The following STK3 variants were observed in gnomAD, a reference collection of about 807,000 sequenced individuals.
The protein encoded by STK3 is serine/threonine kinase 3.
A neutral mutation model predicts 58.0 loss-of-function variants in STK3; 41 were observed. The observed-to-expected ratio is 0.71, with a 90% confidence interval of 0.55 to 0.92. The LOEUF (loss-of-function observed/expected upper bound fraction) is 0.92, where lower values mean the gene tolerates loss of function less well. Among genes scored for constraint, STK3 ranks in the 40% least tolerant of loss-of-function variants. The pLI, the probability that STK3 is intolerant of heterozygous loss-of-function variation, is 0.00. For missense variants in STK3, 479 were observed against 602.7 expected, an observed-to-expected ratio of 0.79 and a Z score of 2.15; for synonymous variants, 170 against 191.0, an observed-to-expected ratio of 0.89 and a Z score of 0.91.
chr8:98,739,833 G>GT (rs1829023313), intron 4 of STK3, among the ~76,000 whole-genome samples: 1 of 149,910 alleles, frequency 6.7e-6, no homozygotes, highest in Non-Finnish European at 1.5e-5. Flanking sequence ...AGGCAAAGAA[G>GT]TTGAAAACTT....
intron 1 of STK3, among the ~76,000 whole-genome samples, chr8:98,911,209 T>A (rs1372076651): frequency 6.6e-6 from 1 of 152,208 alleles, no homozygotes. Context: ...CAAATTATTG[T>A]CTTCCTCAAG....
intron 10 of STK3, among the ~76,000 whole-genome samples, chr8:98,481,228 A>T: frequency 6.6e-6 from 1 of 152,006 alleles, no homozygotes; most frequent in East Asian, 1.9e-4. Flanking sequence ...GTATATTTTC[A>T]AGGAAAAAAT....
At chr8:98,850,728 GA>G (rs1836431227) in intron 3 of STK3, among the ~76,000 whole-genome samples, 1 of 152,216 alleles carries the variant, frequency 6.6e-6, no homozygotes, top group African/African-American at 2.4e-5. Flanking sequence ...TGGGCAGCAA[GA>G]ATGAGGCTGG....
At chr8:98,386,759 C>A (rs1024869250) in intron 1 of STK3, among the ~76,000 whole-genome samples, 3 of 152,150 alleles carry the variant, frequency 2.0e-5, no homozygotes, top group African/African-American at 7.2e-5. Flanking sequence ...GTGGGTATAT[C>A]ACCTGAGGTC....
chr8:98,433,339 C>G (rs1477863127), intron 3 of STK3, among the ~76,000 whole-genome samples: 2 of 152,168 alleles, frequency 1.3e-5, no homozygotes, highest in Non-Finnish European at 2.9e-5. Flanking sequence ...AGTAGGCTCC[C>G]TAATAGTAAA....
chr8:98,558,531 A>G (rs1811772211), intron 8 of STK3, among the ~76,000 whole-genome samples: 1 of 152,154 alleles, frequency 6.6e-6, no homozygotes. Context: ...TTATAGAAGT[A>G]TACAAAAGTA....
intron 3 of STK3, among the ~76,000 whole-genome samples, chr8:98,849,611 A>T (rs911201972): frequency 3.3e-5 from 5 of 152,214 alleles, no homozygotes; most frequent in African/African-American, 1.2e-4. Context: ...ATAGAGACAG[A>T]TGCCAGCTTT....
chr8:98,428,829 A>G lies in STK3; in HGVS notation n.483+5298T>C, dbSNP rs143746607. 1.5e-3 allele frequency: 2,352 copies of G among 1,614,120 alleles called. 8 individuals are homozygous for G. Among genetic ancestry groups the G allele is most frequent in the Middle Eastern group, 3.0e-3 (18 of 6,062 alleles). On this transcript the variant is annotated intron_variant and non_coding_transcript_variant, in intron 3 of 3. Coordinates refer to the STK3 transcript ENST00000517832. The surrounding 1 kb of genome is among the most constrained non-coding windows in gnomAD (Gnocchi z 6.7). ...GGTGGTGAACCTGGTGGTGGAGAGC[A>G]CACCTACTTTAGCCAACTTGGGCAG...
chr8:98,493,809 C>T (rs1822900679), intron 10 of STK3, among the ~76,000 whole-genome samples: 1 of 152,118 alleles, frequency 6.6e-6, no homozygotes, highest in Non-Finnish European at 1.5e-5. Context: ...TCATATTCCA[C>T]CTTAAAAAGT....
At chr8:98,728,708 G>A (rs1268337008) in intron 4 of STK3, among the ~76,000 whole-genome samples, 1 of 152,044 alleles carries the variant, frequency 6.6e-6, no homozygotes, top group African/African-American at 2.4e-5. Context: ...ATTACACAAA[G>A]GAGGAACATG....
At chr8:98,716,395 CA>C (rs1163264289) in intron 4 of STK3, among the ~76,000 whole-genome samples, 3 of 151,036 alleles carry the variant, frequency 2.0e-5, no homozygotes, top group Admixed American at 6.6e-5. Flanking sequence ...AAGGAAACTA[CA>C]AAAAAAATTC....
rs369449832 is a variant in STK3, at chr8:98,720,372, C to T, written c.352-13061G>A. Among the ~76,000 whole-genome samples, 10 of 152,262 alleles carry T rather than the reference C, an allele frequency of 6.6e-5. No homozygotes were observed. In the East Asian group the frequency reaches 1.3e-3, roughly 21 times the overall value. Reference sequence around the variant, plus strand: ...TGTCATACAACTACTAAGTAGCAAACCTCACATTTCTTCAACAATCAATAT... The same window carrying T: ...TGTCATACAACTACTAAGTAGCAAATCTCACATTTCTTCAACAATCAATAT... On this transcript the variant is annotated intron_variant, in intron 4 of 10. Coordinates refer to ENST00000419617, the MANE Select transcript of STK3 (RefSeq NM_006281.4).
chr8:98,384,376 T>G (rs2131004898), intron 1 of STK3, among the ~76,000 whole-genome samples: 1 of 152,336 alleles, frequency 6.6e-6, no homozygotes, highest in Admixed American at 6.5e-5. Context: ...GCTTTCTTAC[T>G]CCATTCTTTT....
At chr8:98,508,894 A>G (rs1029693973) in intron 10 of STK3, among the ~76,000 whole-genome samples, 2 of 152,178 alleles carry the variant, frequency 1.3e-5, no homozygotes, top group Non-Finnish European at 2.9e-5. Context: ...TAATGACACA[A>G]AAGATTTAGG....
At chr8:98,906,873 T>C (rs1838923571) in intron 1 of STK3, among the ~76,000 whole-genome samples, 2 of 151,660 alleles carry the variant, frequency 1.3e-5, no homozygotes, top group Non-Finnish European at 2.9e-5. Flanking sequence ...ACAGGCTGGG[T>C]GTGGAGGCTC....
intron 1 of STK3, 27 bp from the exon 2 acceptor site, chr8:98,774,846 A>G: frequency 1.3e-6 from 2 of 1,500,398 alleles, no homozygotes; most frequent in Non-Finnish European, 1.8e-6. Context: ...AGAAGAAAGA[A>G]AATATTTTCT....
At chr8:98,344,892 C>CAAAAAAAAAA in the STK3 span, among the ~76,000 whole-genome samples, 2 of 47,402 alleles carry the variant, frequency 4.2e-5, no homozygotes, top group Admixed American at 2.8e-4. Context: ...GACTCCGTCT[C>CAAAAAAAAAA]AAAAAAAAAA....
At chr8:98,445,299 T>C (rs986072970) in intron 1 of STK3, among the ~76,000 whole-genome samples, 2 of 152,218 alleles carry the variant, frequency 1.3e-5, no homozygotes, top group African/African-American at 2.4e-5. Flanking sequence ...GTTTAGCTAA[T>C]AGACTGTCAC....
intron 1 of STK3, among the ~76,000 whole-genome samples, chr8:98,805,818 T>C (rs1489520927): frequency 1.3e-5 from 2 of 152,122 alleles, no homozygotes; most frequent in African/African-American, 2.4e-5. Flanking sequence ...ATCACCATTT[T>C]CTCTTACAAC....
Sources: gnomAD v4.1 joint callset for allele counts (sites outside exome capture counted in the v4.1 genomes callset) on GRCh38, gnomAD v4.1.1 for gene constraint, Gnocchi (gnomAD v3.1) non-coding constraint, MANE v1.5 for transcripts, NCBI Gene and HGNC (gene_info 2026-07-23, HGNC 2026-07-21) for gene names.